The following SPECC1 variants were observed in gnomAD, a reference collection of about 807,000 sequenced individuals.
SPECC1 encodes sperm antigen with calponin homology and coiled-coil domains 1, also known as cytospin-B.
SPECC1 carries 62 observed loss-of-function variants against 104.1 expected under a neutral mutation model. The ratio of observed to expected loss-of-function variants is 0.60; its 90% CI spans 0.49 to 0.74. The LOEUF is 0.74. Among genes scored for constraint, SPECC1 ranks in the 30% least tolerant of loss-of-function variants. SPECC1 has a pLI of 0.00. For synonymous variants in SPECC1, 513 were observed against 501.6 expected (o/e 1.02, Z -0.30); for missense variants, 1,306 against 1,310.5 (o/e 1.00, Z 0.05).
At chr17:20,109,335 AC>A (rs2048372115) in intron 2 of SPECC1, among the ~76,000 whole-genome samples, 1 of 152,232 alleles carries the variant, frequency 6.6e-6, no homozygotes, top group Non-Finnish European at 1.5e-5. Context: ...GATGTCAGAT[AC>A]ATTAGACAGC....
At chr17:20,011,456 A>G (rs1454470822) in intron 1 of SPECC1, among the ~76,000 whole-genome samples, 2 of 152,016 alleles carry the variant, frequency 1.3e-5, no homozygotes, top group Non-Finnish European at 2.9e-5. Flanking sequence ...AGACTCTTAC[A>G]TATCTGTATG....
At chr17:20,220,116 TC>T (rs1484761042) in intron 4 of SPECC1, among the ~76,000 whole-genome samples, 1 of 152,198 alleles carries the variant, frequency 6.6e-6, no homozygotes, top group Non-Finnish European at 1.5e-5. Context: ...ATGTGATTCT[TC>T]CAGTTTTGTT....
At chr17:20,155,875 G>A in intron 3 of SPECC1, 1 of 1,095,484 alleles carries the variant, frequency 9.1e-7, no homozygotes, top group Non-Finnish European at 1.1e-6. Context: ...AAATACAGAT[G>A]AGGTGGGCGG....
chr17:20,043,938 C>CTA (rs1005205806), intron 1 of SPECC1, among the ~76,000 whole-genome samples: 13 of 152,160 alleles, frequency 8.5e-5, no homozygotes, highest in African/African-American at 2.2e-4. Context: ...TCTCCTCTAT[C>CTA]TGGCTGACTT....
At chr17:20,014,875 C>T (rs2044061017) in intron 1 of SPECC1, among the ~76,000 whole-genome samples, 1 of 152,180 alleles carries the variant, frequency 6.6e-6, no homozygotes, top group African/African-American at 2.4e-5. Context: ...CTGCCTTAGC[C>T]TCCCAAGTAG....
intron 1 of SPECC1, among the ~76,000 whole-genome samples, chr17:20,073,856 C>G (rs748427531): frequency 1.3e-5 from 2 of 152,118 alleles, no homozygotes; most frequent in Non-Finnish European, 2.9e-5. Flanking sequence ...GGTGCATGGA[C>G]TGGATAAGTT....
At chr17:20,070,859 A>C (rs1386435220) in intron 1 of SPECC1, among the ~76,000 whole-genome samples, 1 of 151,908 alleles carries the variant, frequency 6.6e-6, no homozygotes, top group Non-Finnish European at 1.5e-5. Context: ...TTTTCAGGTA[A>C]GTCACATCTG....
intron 3 of SPECC1, among the ~76,000 whole-genome samples, chr17:20,159,745 C>T (rs2032962760): frequency 6.6e-6 from 1 of 152,192 alleles, no homozygotes; most frequent in Non-Finnish European, 1.5e-5. Context: ...CTGAAATTTT[C>T]AGCCTGGGCA....
chr17:20,218,108 CT>C (rs2037623110), intron 4 of SPECC1, among the ~76,000 whole-genome samples: 2 of 152,294 alleles, frequency 1.3e-5, no homozygotes, highest in South Asian at 4.1e-4. Flanking sequence ...ATATATTGGT[CT>C]TTCATGTATT....
At chr17:20,054,763 G>A (rs1207849395) in intron 1 of SPECC1, among the ~76,000 whole-genome samples, 2 of 152,026 alleles carry the variant, frequency 1.3e-5, no homozygotes, top group East Asian at 3.9e-4. Flanking sequence ...GACCTCCTGG[G>A]CTCAAGCAAG....
intron 7 of SPECC1, 25 bp downstream of exon 7, chr17:20,232,430 G>A (rs1415729944): frequency 5.7e-6 from 9 of 1,579,160 alleles, no homozygotes; most frequent in African/African-American, 1.3e-5. Context: ...CACCAGGGCC[G>A]TGCTTGCTTC....
intron 7 of SPECC1, among the ~76,000 whole-genome samples, chr17:20,232,853 G>C (rs145558373): frequency 3.3e-5 from 5 of 152,180 alleles, no homozygotes; most frequent in Admixed American, 6.5e-5. Flanking sequence ...GGATGTGCCT[G>C]CTTATTGAGA....
intron 2 of SPECC1, among the ~76,000 whole-genome samples, chr17:20,103,710 A>G (rs1280182262): frequency 6.6e-6 from 1 of 152,068 alleles, no homozygotes; most frequent in Non-Finnish European, 1.5e-5. Flanking sequence ...ATGGCATCCC[A>G]GGAGGAGTGC....
At chr17:20,170,267 C>A (rs2033983076) in intron 3 of SPECC1, among the ~76,000 whole-genome samples, 1 of 152,248 alleles carries the variant, frequency 6.6e-6, no homozygotes, top group East Asian at 1.9e-4. Context: ...GTCTCCAACA[C>A]TCTGCAGAGT....
In SPECC1 at chr17:20,260,272, A is replaced by G. The variant is rs982440484; in HGVS notation, c.2918A>G (p.Gln973Arg). Residue 973 changes from glutamine to arginine, a missense_variant, in exon 12 of 15, where the codon CAG becomes CGG. Physicochemically the swap from Gln to Arg is conservative, Grantham distance 43. Transcript: ENST00000395527. ...SKRNALLKWC[Q>R]KKTQGYANID... Reference sequence around the variant, plus strand: ...CGCAATGCTCTACTGAAATGGTGCCAGAAGAAGACACAAGGTTATGCGGTA... The same window carrying G: ...CGCAATGCTCTACTGAAATGGTGCCGGAAGAAGACACAAGGTTATGCGGTA... 3 of 1,613,984 alleles carry G rather than the reference A, an allele frequency of 1.9e-6. No individual in the cohort carries two copies. Among genetic ancestry groups the G allele is most frequent in the Admixed American group, 1.7e-5 (1 of 60,014 alleles).
In SPECC1 at chr17:20,110,528, G is replaced by A. The variant is rs967331783; in HGVS notation, c.249G>A (p.Ser83=). 49 of 1,613,712 alleles carry A rather than the reference G, an allele frequency of 3.0e-5. No homozygotes were observed. The highest frequency in any genetic ancestry group is 4.1e-5 in the Non-Finnish European group (48 of 1,179,970). ...AGACCGCCACTGCCGGAGCCATCTC[G>A]GAGCTCACGGAGAGCCGCCTGAGGA... is the stretch of plus-strand genomic sequence containing the variant. ...LKKTATAGAI[S]ELTESRLRSG... is the part of the protein sequence containing the mutation. The change falls in exon 3 of 15, where the codon TCG becomes TCA. Residue 83 remains serine (S), a synonymous_variant. Transcript: ENST00000395527.
intron 1 of SPECC1, among the ~76,000 whole-genome samples, chr17:20,057,481 G>A (rs912410887): frequency 5.3e-5 from 8 of 151,916 alleles, no homozygotes; most frequent in Admixed American, 4.6e-4. Context: ...AAAACAGGAA[G>A]GTTAAGTGTT....
chr17:20,257,394 G>T (rs2039871027), intron 10 of SPECC1, 57 bp from the exon 11 acceptor site: 1 of 1,512,382 alleles, frequency 6.6e-7, no homozygotes, highest in Non-Finnish European at 8.9e-7. Flanking sequence ...AATGAAGTAT[G>T]ATGGCAGTCA....
At chr17:20,065,837 A>G (rs1331140312) in intron 1 of SPECC1, among the ~76,000 whole-genome samples, 1 of 152,218 alleles carries the variant, frequency 6.6e-6, no homozygotes, top group Admixed American at 6.5e-5. Context: ...GGCACGTGAA[A>G]GGACAGGAGA....
Sources: allele counts gnomAD v4.1 joint callset (sites outside exome capture counted in the v4.1 genomes callset), GRCh38; gene constraint gnomAD v4.1.1; transcripts MANE v1.5; gene names NCBI Gene and HGNC (gene_info 2026-07-23, HGNC 2026-07-21).